Variants in SYT14 observed in about 807,000 individuals in gnomAD.
SYT14 encodes the protein synaptotagmin-14.
SYT14 carries 32 observed loss-of-function variants against 74.2 expected under a neutral mutation model. The ratio of observed to expected loss-of-function variants is 0.43; its 90% confidence interval spans 0.33 to 0.58. SYT14 has a LOEUF of 0.58. SYT14 is among the 20% of genes least tolerant of loss of function. The probability of loss-of-function intolerance (pLI) is 0.05; values close to 1 mark genes in which losing one functional copy is unlikely to be tolerated. For missense variants in SYT14, 791 were observed against 981.8 expected (o/e 0.81, Z 2.60); for synonymous variants, 298 against 337.7 (o/e 0.88, Z 1.29).
intron 2 of SYT14, among the ~76,000 whole-genome samples, chr1:209,965,397 C>G (rs1399679526): frequency 6.6e-6 from 1 of 152,162 alleles, no homozygotes; most frequent in Non-Finnish European, 1.5e-5. Flanking sequence ...GATTTCATCT[C>G]TTTTGTGGCT....
chr1:209,985,603 A>G (rs2079557491), intron 2 of SYT14, among the ~76,000 whole-genome samples: 1 of 152,222 alleles, frequency 6.6e-6, no homozygotes, highest in South Asian at 2.1e-4. Flanking sequence ...CAGCTCCACT[A>G]GGAGTGTCCC....
At chr1:209,980,689 A>G (rs1224127146) in intron 2 of SYT14, among the ~76,000 whole-genome samples, 1 of 152,168 alleles carries the variant, frequency 6.6e-6, no homozygotes, top group African/African-American at 2.4e-5. Context: ...TCCCAGTACC[A>G]TTTATTAAAT....
intron 5 of SYT14, among the ~76,000 whole-genome samples, chr1:210,078,114 T>A (rs1468568795): frequency 1.3e-5 from 2 of 151,776 alleles, no homozygotes; most frequent in Non-Finnish European, 2.9e-5. Context: ...ATCGAGACCA[T>A]CCTGGCTAAC....
intron 5 of SYT14, among the ~76,000 whole-genome samples, chr1:210,050,842 T>C (rs755459722): frequency 5.9e-5 from 9 of 152,164 alleles, no homozygotes; most frequent in Admixed American, 3.3e-4. Flanking sequence ...ATTGAGTTCC[T>C]CCCATGACAC....
intron 7 of SYT14, among the ~76,000 whole-genome samples, chr1:210,143,202 A>G (rs1263583033): frequency 6.6e-6 from 1 of 152,224 alleles, no homozygotes; most frequent in Non-Finnish European, 1.5e-5. Flanking sequence ...AAAGTTGGAA[A>G]AGGTAATGCA....
exon 10 of SYT14, chr1:210,161,808 GA>G: frequency 2.2e-6 from 1 of 453,794 alleles, no homozygotes; most frequent in South Asian, 1.6e-5. Context: ...ACTTTCTGTT[GA>G]AAGCACTTCC....
At chr1:210,078,332 A>G (rs1304770013) in intron 5 of SYT14, among the ~76,000 whole-genome samples, 2 of 151,140 alleles carry the variant, frequency 1.3e-5, no homozygotes, top group Non-Finnish European at 3.0e-5. Context: ...AAAAAAAAAA[A>G]AAAAAATGCA....
At chr1:210,104,576 T>G (rs2082125719) in intron 7 of SYT14, among the ~76,000 whole-genome samples, 1 of 152,196 alleles carries the variant, frequency 6.6e-6, no homozygotes, top group South Asian at 2.1e-4. Context: ...TTCTTAGTAT[T>G]TAACCCCAAT....
chr1:210,094,436 A>G (rs1318370188), exon 6 of SYT14: 2 of 1,613,964 alleles, frequency 1.2e-6, no homozygotes, highest in Non-Finnish European at 8.5e-7. Flanking sequence ...GAAATTGGGG[A>G]CAGTAAATGT....
chr1:210,134,941 G>T (rs544091403), intron 7 of SYT14, among the ~76,000 whole-genome samples: 3 of 151,718 alleles, frequency 2.0e-5, no homozygotes, highest in African/African-American at 7.3e-5. Context: ...CCAACTCACC[G>T]ATGCTGTGTT....
At chr1:210,017,204 T>C in intron 4 of SYT14, 1 of 749,894 alleles carries the variant, frequency 1.3e-6, no homozygotes, top group African/African-American at 1.8e-5. Context: ...CATGTGTCTA[T>C]ATTTAAGACT....
chr1:209,992,595 TC>T (rs2079712206), intron 2 of SYT14, among the ~76,000 whole-genome samples: 1 of 152,142 alleles, frequency 6.6e-6, no homozygotes, highest in African/African-American at 2.4e-5. Flanking sequence ...GTATACTTAT[TC>T]TGGTGATGGC....
chr1:210,086,586 G>T (rs1359032288), intron 5 of SYT14, among the ~76,000 whole-genome samples: 1 of 152,076 alleles, frequency 6.6e-6, no homozygotes, highest in African/African-American at 2.4e-5. Context: ...CCTCACCCTG[G>T]AATTAGCCAT....
At chr1:209,992,897 A>G (rs1428923575) in intron 2 of SYT14, among the ~76,000 whole-genome samples, 1 of 152,136 alleles carries the variant, frequency 6.6e-6, no homozygotes, top group Non-Finnish European at 1.5e-5. Flanking sequence ...GAAGCTGGGA[A>G]CACTGTGTAG....
intron 5 of SYT14, among the ~76,000 whole-genome samples, chr1:210,046,707 A>G (rs1242122586): frequency 6.6e-6 from 1 of 152,134 alleles, no homozygotes; most frequent in Non-Finnish European, 1.5e-5. Context: ...CCTTTTTATT[A>G]CTGAATGGTA....
chr1:210,145,667 C>T (rs947966231), intron 7 of SYT14, among the ~76,000 whole-genome samples: 6 of 152,146 alleles, frequency 3.9e-5, no homozygotes, highest in African/African-American at 1.4e-4. Context: ...ATCTTCCTTT[C>T]CATCTGCATT....
At chr1:210,083,231 A>G (rs1227205984) in intron 5 of SYT14, among the ~76,000 whole-genome samples, 1 of 152,132 alleles carries the variant, frequency 6.6e-6, no homozygotes, top group African/African-American at 2.4e-5. Flanking sequence ...ACCTCAAGTG[A>G]TCCACCCACC....
rs149937132 is a variant in SYT14, at chr1:209,983,910, C to A, written c.-485-29723C>A. ...CTGCAGTCATCTATTTAGTGACCTC[C>A]CCAGACTATTTTTGAAAAGTCTTTA... On this transcript the variant is annotated intron_variant, in intron 2 of 9. Transcript: ENST00000637265. Among the ~76,000 whole-genome samples the A allele has an allele frequency of 1.1e-3, 164 of 152,274 alleles. No individual in the cohort carries two copies. The East Asian group carries it at 0.025, about 23-fold the overall frequency.
intron 5 of SYT14, among the ~76,000 whole-genome samples, chr1:210,074,574 G>A (rs940502753): frequency 3.3e-5 from 5 of 152,190 alleles, no homozygotes; most frequent in African/African-American, 4.8e-5. Flanking sequence ...ATTTCTGTTA[G>A]GATGTTCTCA....
Sources: gnomAD v4.1 joint callset for allele counts (sites outside exome capture counted in the v4.1 genomes callset) on GRCh38, gnomAD v4.1.1 for gene constraint, MANE v1.5 for transcripts, NCBI Gene and HGNC (gene_info 2026-07-23, HGNC 2026-07-21) for gene names.